The following GPATCH3 variants were observed in gnomAD, a reference collection of about 807,000 sequenced individuals.
GPATCH3 encodes G-patch domain containing 3, also known as G patch domain-containing protein 3.
A neutral mutation model predicts 53.2 loss-of-function variants in GPATCH3; 45 were observed. The ratio of observed to expected loss-of-function variants is 0.85; its 90% confidence interval spans 0.67 to 1.08. GPATCH3 has a LOEUF of 1.08. Ranked by LOEUF, GPATCH3 falls within the 50% of genes least tolerant of loss-of-function variation. The pLI, the probability that GPATCH3 is intolerant of heterozygous loss-of-function variation, is 0.00. For missense variants in GPATCH3, 680 were observed against 687.2 expected, an observed-to-expected ratio of 0.99 and a Z score of 0.12; for synonymous variants, 280 against 270.6, an observed-to-expected ratio of 1.03 and a Z score of -0.34.
rs368658517 is a variant in GPATCH3 at position 26,897,602 on chromosome 1, C to G, written c.575G>C (p.Arg192Thr). 79 of 1,614,236 alleles carry G rather than the reference C, an allele frequency of 4.9e-5. No homozygotes were observed. The East Asian group carries it at 1.0e-3, about 20-fold the overall frequency. ...CCGCAGGGGAGTCCCCACATTCCCT[C>G]TGGGCATCAGCACTGGTGGGTTCAG... ...PELNPPVLMP[R>T]GNVGTPLRVF... Residue 192 changes from arginine to threonine, a missense_variant, in exon 2 of 7, where the codon AGA becomes ACA. Transcript: ENST00000361720.
At chr1:26,897,834 G>T in intron 1 of GPATCH3, 109 bp from the exon 2 acceptor site, 2 of 874,750 alleles carry the variant, frequency 2.3e-6, no homozygotes, top group Non-Finnish European at 3.4e-6. Context: ...TAAACATCTA[G>T]TAAATCCCTA....
chr1:26,896,881 G>C (rs1285770141), intron 2 of GPATCH3, among the ~76,000 whole-genome samples: 1 of 151,612 alleles, frequency 6.6e-6, no homozygotes, highest in Non-Finnish European at 1.5e-5. Flanking sequence ...AATTAGCCGG[G>C]TATGGTGGTG....
At position 26,891,083 on chromosome 1, in the gene GPATCH3, A is replaced by T. The variant is rs1405481197; in HGVS notation, c.1505T>A (p.Met502Lys). Residue 502 changes from methionine to lysine, a missense_variant, in exon 7 of 7, where the codon ATG becomes AAG. By Grantham distance (95) the Met-to-Lys change is moderately conservative. Transcript: ENST00000361720. Reference protein sequence around the residue: ...SLLRRQPPTSMKFRTDMAFVR... With the variant: ...SLLRRQPPTSKKFRTDMAFVR... ...AAAGGCCATGTCTGTCCGAAACTTCATGCTGGTGGGTGGCTGGCGGCGGAG... is the reference window on the plus strand; with the variant it reads ...AAAGGCCATGTCTGTCCGAAACTTCTTGCTGGTGGGTGGCTGGCGGCGGAG... 1 of 1,614,092 alleles carries T rather than the reference A, an allele frequency of 6.2e-7. No homozygotes were observed. The highest frequency in any genetic ancestry group is 8.5e-7 in the Non-Finnish European group (1 of 1,180,012).
At position 26,897,686 on chromosome 1, in the gene GPATCH3, T is replaced by A. The variant is rs748003777; in HGVS notation, c.491A>T (p.Gln164Leu). The A allele has an allele frequency of 2.0e-5, 33 of 1,613,840 alleles. No individual in the cohort carries two copies. Among genetic ancestry groups the A allele is most frequent in the Non-Finnish European group, 2.8e-5 (33 of 1,179,940 alleles). The change falls in exon 2 of 7, where the codon CAG becomes CTG. Residue 164 changes from glutamine to leucine, a missense_variant. Physicochemically the swap from Gln to Leu is moderately radical, Grantham distance 113. Transcript: ENST00000361720. ...SFPFKTRKEL[Q>L]SWKAENEAFT... ...GGCTTCATTCTCTGCCTTCCAACTCTGCAGTTCCTTCCGGGTCTTGAAGGG... is the reference window on the plus strand; with the variant it reads ...GGCTTCATTCTCTGCCTTCCAACTCAGCAGTTCCTTCCGGGTCTTGAAGGG...
In GPATCH3 at chr1:26,897,713, A is replaced by G. The variant is rs770485165; in HGVS notation, c.464T>C (p.Phe155Ser). The change falls in exon 2 of 7, where the codon TTT becomes TCT. Residue 155 changes from phenylalanine to serine, a missense_variant. Physicochemically the swap from Phe to Ser is radical, Grantham distance 155. Coordinates refer to ENST00000361720, the MANE Select transcript of GPATCH3 (RefSeq NM_022078.3). Reference protein sequence around the residue: ...LPTEASGLGSFPFKTRKELQS... With the variant: ...LPTEASGLGSSPFKTRKELQS... ...CAGTTCCTTCCGGGTCTTGAAGGGAAAGGAGCCCAGACCTTGGAAAGGAGG... is the reference window on the plus strand; with the variant it reads ...CAGTTCCTTCCGGGTCTTGAAGGGAGAGGAGCCCAGACCTTGGAAAGGAGG... 1 of 1,611,428 alleles carries G rather than the reference A, an allele frequency of 6.2e-7. No individual in the cohort carries two copies. Among genetic ancestry groups the G allele is most frequent in the Non-Finnish European group, 8.5e-7 (1 of 1,178,636 alleles).
chr1:26,895,992 T>G (rs2081949307), intron 2 of GPATCH3, among the ~76,000 whole-genome samples: 1 of 152,106 alleles, frequency 6.6e-6, no homozygotes, highest in Admixed American at 6.6e-5. Flanking sequence ...TTTAAAAAAG[T>G]TTTCCCAACA....
chr1:26,893,352 T>C (rs780942061), intron 4 of GPATCH3, 37 bp downstream of exon 4: 2 of 1,526,726 alleles, frequency 1.3e-6, no homozygotes, highest in East Asian at 2.2e-5. Context: ...CCAGGGCACC[T>C]GTTTCACCTC....
chr1:26,897,743 A>G lies in GPATCH3; in HGVS notation c.452-18T>C. ...GCCCAGACCTTGGAAAGGAGGGAGA[A>G]TAGATCTTGAAACCCAGAAGCCTCC... On this transcript the variant is annotated intron_variant, in intron 1 of 6. Coordinates refer to ENST00000361720, the MANE Select transcript of GPATCH3 (RefSeq NM_022078.3). 1 of 1,571,982 alleles carries G rather than the reference A, an allele frequency of 6.4e-7. No individual in the cohort carries two copies. Among genetic ancestry groups the G allele is most frequent in the South Asian group, 1.2e-5 (1 of 85,248 alleles).
At chr1:26,899,340 G>T (rs577120625) in intron 1 of GPATCH3, among the ~76,000 whole-genome samples, 10 of 152,188 alleles carry the variant, frequency 6.6e-5, no homozygotes, top group African/African-American at 2.4e-4. Context: ...AGAGGGGTAA[G>T]AAAACAAAAG....
Position 26,891,023 on chromosome 1 carries a change from G to A in GPATCH3, c.1565C>T (p.Ser522Leu). 1 of 1,614,010 alleles carries A rather than the reference G, an allele frequency of 6.2e-7. No homozygotes were observed. The highest frequency in any genetic ancestry group is 8.5e-7 in the Non-Finnish European group (1 of 1,179,892). ...RGSSCASDSP[S>L]LPD ...CCCCCAACCCGGTCAGTCAGGCAAT[G>A]AGGGGCTGTCTGAAGCACAACTGGA... is the stretch of plus-strand genomic sequence containing the variant. Residue 522 changes from serine (S) to leucine (L), a missense_variant, in exon 7 of 7, where the codon TCA (serine) becomes TTA (leucine). Ser to Leu is a moderately radical substitution (Grantham distance 145). Coordinates refer to ENST00000361720, the MANE Select transcript of GPATCH3 (RefSeq NM_022078.3).
intron 2 of GPATCH3, among the ~76,000 whole-genome samples, chr1:26,895,791 G>A (rs763637726): frequency 1.3e-5 from 2 of 151,886 alleles, no homozygotes; most frequent in Non-Finnish European, 2.9e-5. Context: ...CACCACGCCT[G>A]GCTAATTTTT....
intron 1 of GPATCH3, among the ~76,000 whole-genome samples, chr1:26,898,227 G>A (rs1224696223): frequency 6.6e-6 from 1 of 152,116 alleles, no homozygotes; most frequent in East Asian, 1.9e-4. Flanking sequence ...TCCCCAAGCG[G>A]AACTACAGAA....
In GPATCH3 at chr1:26,900,351, C is replaced by T. The variant is rs1255146118; in HGVS notation, c.92G>A (p.Ser31Asn). 4 of 1,613,962 alleles carry T rather than the reference C, an allele frequency of 2.5e-6. No individual in the cohort carries two copies. Among genetic ancestry groups the T allele is most frequent in the African/African-American group, 2.7e-5 (2 of 74,918 alleles). Residue 31 changes from serine (S) to asparagine (N), a missense_variant, in exon 1 of 7, where the codon AGC becomes AAC. Coordinates refer to ENST00000361720, the MANE Select transcript of GPATCH3 (RefSeq NM_022078.3). Reference protein sequence around the residue: ...PSVLRSAHLRSYFSQFREERG... With the variant: ...PSVLRSAHLRNYFSQFREERG... ...CTCTTCTCGGAACTGGCTAAAATAGCTCCGTAAATGGGCCGAGCGCAACAC... is the reference window on the plus strand; with the variant it reads ...CTCTTCTCGGAACTGGCTAAAATAGTTCCGTAAATGGGCCGAGCGCAACAC...
chr1:26,891,778 G>A (rs1426987307), intron 6 of GPATCH3, among the ~76,000 whole-genome samples: 1 of 151,988 alleles, frequency 6.6e-6, no homozygotes, highest in Non-Finnish European at 1.5e-5. Context: ...CGCCATCTTG[G>A]CTCACTGCAA....
chr1:26,894,331 TGCTCAGTGGTCC>T lies in GPATCH3; in HGVS notation c.944_955del (p.Arg315_Glu318del), dbSNP rs768669739. ...GAGCTCAATCTCCTCCTCAAAGAGC[TGCTCAGTGGTCC>T]GCTCCTGCCCGGTCACGTCCTCATG... On this transcript the variant is annotated inframe_deletion, in exon 3 of 7. Transcript: ENST00000361720. 4.3e-6 allele frequency: 7 copies of T among 1,614,136 alleles called. No individual in the cohort carries two copies. In the South Asian group the frequency reaches 7.7e-5, roughly 18 times the overall value.
chr1:26,897,672 C>T lies in GPATCH3; in HGVS notation c.505G>A (p.Glu169Lys), dbSNP rs1490970954. 2 of 1,614,020 alleles carry T rather than the reference C, an allele frequency of 1.2e-6. No homozygotes were observed. The highest frequency in any genetic ancestry group is 1.7e-6 in the Non-Finnish European group (2 of 1,180,014). ...TRKELQSWKAENEAFTLADLK... is the reference protein window; with the variant it reads ...TRKELQSWKAKNEAFTLADLK... ...TCAGCCAGGGTGAAGGCTTCATTCT[C>T]TGCCTTCCAACTCTGCAGTTCCTTC... is the stretch of plus-strand genomic sequence containing the variant. Residue 169 changes from glutamate (E) to lysine (K), a missense_variant, in exon 2 of 7, where the codon GAG (glutamate) becomes AAG (lysine). Physicochemically the swap from Glu to Lys is moderately conservative, Grantham distance 56. Transcript: ENST00000361720.
chr1:26,891,901 G>GA (rs1172147495), intron 6 of GPATCH3, among the ~76,000 whole-genome samples: 10 of 152,134 alleles, frequency 6.6e-5, no homozygotes, highest in South Asian at 2.1e-4. Context: ...TAGACACAGG[G>GA]TTTCACCATC....
intron 6 of GPATCH3, among the ~76,000 whole-genome samples, chr1:26,892,030 C>T (rs903302341): frequency 5.3e-5 from 8 of 151,602 alleles, no homozygotes; most frequent in Non-Finnish European, 8.8e-5. Flanking sequence ...TTAGTAGAGA[C>T]GGGGATTTCA....
At position 26,900,158 on chromosome 1, in the gene GPATCH3, A is replaced by C. The variant is rs1477504242; in HGVS notation, c.285T>G (p.Thr95=). ...DVRPLSTRDS[T]PIQTRTCCCV... is the part of the protein sequence containing the mutation. ...AGCAGCAGGTGCGGGTCTGGATTGG[A>C]GTAGAGTCTCGAGTGGAGAGAGGCC... is the stretch of plus-strand genomic sequence containing the variant. The change falls in exon 1 of 7, where the codon ACT becomes ACG. Residue 95 remains threonine (T), a synonymous_variant. Transcript: ENST00000361720. 1.2e-6 allele frequency: 2 copies of C among 1,613,980 alleles called. No individual in the cohort carries two copies. The highest frequency in any genetic ancestry group is 1.7e-6 in the Non-Finnish European group (2 of 1,179,992).
Sources: allele counts gnomAD v4.1 joint callset (sites outside exome capture counted in the v4.1 genomes callset), GRCh38; gene constraint gnomAD v4.1.1; transcripts MANE v1.5; gene names NCBI Gene and HGNC (gene_info 2026-07-23, HGNC 2026-07-21).